Variants in C8orf34 observed in about 807,000 individuals in gnomAD.
C8orf34 encodes the protein uncharacterized protein C8orf34.
In C8orf34, 65 loss-of-function variants were observed where a neutral mutation model predicts 68.3. The ratio of observed to expected loss-of-function variants is 0.95; its 90% confidence interval spans 0.78 to 1.17. The LOEUF (loss-of-function observed/expected upper bound fraction) is 1.17, where lower values mean the gene tolerates loss of function less well. C8orf34 is among the 50% of genes most tolerant of loss of function. The pLI is 0.00. For synonymous variants in C8orf34, 244 were observed against 241.2 expected (o/e 1.01, Z -0.11); for missense variants, 664 against 655.4 (o/e 1.01, Z -0.14).
intron 5 of C8orf34, among the ~76,000 whole-genome samples, chr8:68,491,489 G>A (rs1813311189): frequency 6.6e-6 from 1 of 152,048 alleles, no homozygotes; most frequent in African/African-American, 2.4e-5. Flanking sequence ...ACCTTTTCAA[G>A]CTTCTAGGGC....
intron 3 of C8orf34, chr8:68,447,476 G>A (rs1265725699): frequency 1.3e-5 from 2 of 152,134 alleles, no homozygotes; most frequent in African/African-American, 2.4e-5. Flanking sequence ...AAAATCTCAG[G>A]AGCCTCTAGC....
intron 7 of C8orf34, among the ~76,000 whole-genome samples, chr8:68,628,100 T>C (rs940591158): frequency 6.6e-6 from 1 of 152,188 alleles, no homozygotes; most frequent in Non-Finnish European, 1.5e-5. Flanking sequence ...CTTATGTTAT[T>C]AAAATGGAAA....
chr8:68,598,186 T>G (rs1183838953), intron 7 of C8orf34, among the ~76,000 whole-genome samples: 1 of 152,150 alleles, frequency 6.6e-6, no homozygotes, highest in Non-Finnish European at 1.5e-5. Context: ...TTCATAATCC[T>G]TGATGCATTT....
chr8:68,729,332 T>C (rs1445424349), intron 10 of C8orf34, among the ~76,000 whole-genome samples: 1 of 152,216 alleles, frequency 6.6e-6, no homozygotes, highest in Non-Finnish European at 1.5e-5. Context: ...TTGGGAATTA[T>C]GTTAAAAGAG....
At chr8:68,686,296 C>T (rs1820516555) in intron 8 of C8orf34, among the ~76,000 whole-genome samples, 2 of 152,020 alleles carry the variant, frequency 1.3e-5, no homozygotes, top group African/African-American at 2.4e-5. Context: ...GCCACTATCA[C>T]CCTAATACTG....
chr8:68,417,878 C>G (rs1308012268), intron 1 of C8orf34, among the ~76,000 whole-genome samples: 1 of 151,746 alleles, frequency 6.6e-6, no homozygotes, highest in East Asian at 1.9e-4. Context: ...TGTAAATTAC[C>G]TTGGGCAGTA....
At chr8:68,813,748 A>G (rs573080103) in intron 12 of C8orf34, among the ~76,000 whole-genome samples, 2 of 152,232 alleles carry the variant, frequency 1.3e-5, no homozygotes, top group East Asian at 1.9e-4. Flanking sequence ...CATCCTGGTC[A>G]CTATAGTCTT....
At chr8:68,598,451 G>A (rs1204993695) in intron 7 of C8orf34, among the ~76,000 whole-genome samples, 1 of 152,152 alleles carries the variant, frequency 6.6e-6, no homozygotes, top group African/African-American at 2.4e-5. Flanking sequence ...TCCTCAGACA[G>A]CAAAGCGCAC....
intron 1 of C8orf34, among the ~76,000 whole-genome samples, chr8:68,338,395 G>A (rs988297368): frequency 6.6e-6 from 1 of 152,088 alleles, no homozygotes; most frequent in African/African-American, 2.4e-5. Flanking sequence ...AAAATGCATT[G>A]TCTCAGTTGG....
chr8:68,733,670 A>T (rs1490408244), intron 10 of C8orf34, among the ~76,000 whole-genome samples: 1 of 152,080 alleles, frequency 6.6e-6, no homozygotes, highest in Non-Finnish European at 1.5e-5. Context: ...GCTTCTAGAG[A>T]TTATTTAGTT....
intron 7 of C8orf34, among the ~76,000 whole-genome samples, chr8:68,551,968 A>T (rs1010619031): frequency 6.6e-6 from 1 of 152,176 alleles, no homozygotes; most frequent in African/African-American, 2.4e-5. Context: ...CATGCAAAAC[A>T]CCAATTTGTC....
At chr8:68,676,119 G>A (rs1820182351) in intron 8 of C8orf34, among the ~76,000 whole-genome samples, 1 of 152,108 alleles carries the variant, frequency 6.6e-6, no homozygotes, top group Non-Finnish European at 1.5e-5. Context: ...CTGCTTGCTT[G>A]AGCTCAGGAG....
intron 2 of C8orf34, among the ~76,000 whole-genome samples, chr8:68,444,884 T>C (rs11990707): frequency 0.036 from 5,404 of 151,734 alleles, 313 homozygotes; most frequent in African/African-American, 0.12. Flanking sequence ...ATGACCAAGG[T>C]TTTTTTCTCC....
Position 68,446,446 on chromosome 8 carries a change from C to T in C8orf34, c.593C>T (p.Pro198Leu), listed in dbSNP as rs374028023. The change falls in exon 3 of 14, where the codon CCG becomes CTG. Residue 198 changes from proline (P) to leucine (L), a missense_variant. Physicochemically the swap from Pro to Leu is moderately conservative, Grantham distance 98. Coordinates refer to ENST00000518698, the MANE Select transcript of C8orf34 (RefSeq NM_052958.4). ...LAVSNISPPS[P>L]DSKSLPRSVE... ...GTGTCTAATATTTCTCCACCATCAC[C>T]GGACTCCAAATCATGTAAGGAAGTC... The T allele has an allele frequency of 1.6e-5, 26 of 1,611,976 alleles. No homozygotes were observed. Among genetic ancestry groups the T allele is most frequent in the Admixed American group, 6.7e-5 (4 of 59,682 alleles).
intron 8 of C8orf34, among the ~76,000 whole-genome samples, chr8:68,706,008 C>T (rs183789444): frequency 6.6e-6 from 1 of 152,198 alleles, no homozygotes; most frequent in East Asian, 1.9e-4. Context: ...GAGGTCTGTA[C>T]TCCTGATTAC....
intron 8 of C8orf34, among the ~76,000 whole-genome samples, chr8:68,689,789 T>C (rs1457422028): frequency 6.6e-6 from 1 of 152,022 alleles, no homozygotes; most frequent in Non-Finnish European, 1.5e-5. Flanking sequence ...CAGTTATCTC[T>C]AATCCTTACA....
intron 12 of C8orf34, among the ~76,000 whole-genome samples, chr8:68,790,490 T>A (rs1437984456): frequency 2.0e-5 from 3 of 152,218 alleles, no homozygotes; most frequent in Admixed American, 1.3e-4. Context: ...TAATGCATAT[T>A]TCTTATTGCA....
intron 10 of C8orf34, among the ~76,000 whole-genome samples, chr8:68,756,648 A>G (rs1318139671): frequency 6.6e-6 from 1 of 152,180 alleles, no homozygotes; most frequent in Non-Finnish European, 1.5e-5. Flanking sequence ...TTTAATTTCC[A>G]ATTTATTTAA....
At position 68,562,750 on chromosome 8, in the gene C8orf34, C is replaced by T. The variant is rs562649823; in HGVS notation, c.1105+29601C>T. ...CTATATTGCATAACTTACTGGTTCA[C>T]ATGTACAGGCACCTGTCTCTCATCA... On this transcript the variant is annotated intron_variant, in intron 7 of 13. Transcript: ENST00000518698. Among the ~76,000 whole-genome samples the T allele has an allele frequency of 9.8e-5, 15 of 152,322 alleles. No individual in the cohort carries two copies. The South Asian group carries it at 3.1e-3, about 32-fold the overall frequency.
Sources: allele counts gnomAD v4.1 joint callset (sites outside exome capture counted in the v4.1 genomes callset), GRCh38; gene constraint gnomAD v4.1.1; transcripts MANE v1.5; gene names NCBI Gene and HGNC (gene_info 2026-07-23, HGNC 2026-07-21).